The following CLEC16A variants were observed in gnomAD, a reference collection of about 807,000 sequenced individuals.
CLEC16A encodes the protein protein CLEC16A.
In CLEC16A, 51 loss-of-function variants were observed where a neutral mutation model predicts 109.5. That is an observed-to-expected ratio of 0.47 (90% CI 0.37 to 0.59). The LOEUF (loss-of-function observed/expected upper bound fraction) is 0.59, where lower values mean the gene tolerates loss of function less well. CLEC16A is among the 20% of genes least tolerant of loss of function. The probability of loss-of-function intolerance (pLI) is 0.00; values close to 1 mark genes in which losing one functional copy is unlikely to be tolerated. For synonymous variants in CLEC16A, 673 were observed against 564.2 expected (o/e 1.19, Z -2.73); for missense variants, 1,339 against 1,394.0 (o/e 0.96, Z 0.63).
chr16:11,011,784 AATC>A (rs2045432536), intron 11 of CLEC16A, among the ~76,000 whole-genome samples: 1 of 152,112 alleles, frequency 6.6e-6, no homozygotes, highest in Admixed American at 6.5e-5. Flanking sequence ...GTATTTTAGA[AATC>A]ATATGTTCAT....
At chr16:11,044,664 C>T (rs559728669) in intron 16 of CLEC16A, among the ~76,000 whole-genome samples, 66 of 152,294 alleles carry the variant, frequency 4.3e-4, no homozygotes, top group African/African-American at 1.6e-3. Context: ...GGCATGGTGG[C>T]TCATGCCTGT....
chr16:10,986,731 A>ATGTGTTTGTGTGTG (rs2043685462), intron 10 of CLEC16A, among the ~76,000 whole-genome samples: 1 of 150,122 alleles, frequency 6.7e-6, no homozygotes, highest in African/African-American at 2.5e-5. Flanking sequence ...TTAAGGCTCA[A>ATGTGTTTGTGTGTG]TGTGTGTGTG....
At chr16:11,043,048 A>T (rs890415822) in intron 15 of CLEC16A, among the ~76,000 whole-genome samples, 4 of 148,014 alleles carry the variant, frequency 2.7e-5, no homozygotes, top group African/African-American at 1.0e-4. Flanking sequence ...AAATTCATTT[A>T]TAAGTGTGTA....
chr16:11,021,792 C>A (rs1276968507), intron 12 of CLEC16A, among the ~76,000 whole-genome samples: 1 of 152,122 alleles, frequency 6.6e-6, no homozygotes, highest in Non-Finnish European at 1.5e-5. Flanking sequence ...ATGAGACTCT[C>A]GCTCAGAATA....
At chr16:11,000,645 G>A (rs868201753) in intron 10 of CLEC16A, among the ~76,000 whole-genome samples, 2 of 152,114 alleles carry the variant, frequency 1.3e-5, no homozygotes, top group South Asian at 2.1e-4. Flanking sequence ...GGGGGCCCTC[G>A]GTTATTGGCG....
At chr16:11,150,641 T>C (rs980296683) in intron 22 of CLEC16A, among the ~76,000 whole-genome samples, 20 of 152,252 alleles carry the variant, frequency 1.3e-4, no homozygotes, top group African/African-American at 4.8e-4. Flanking sequence ...AACTTCATTC[T>C]TGATGACTGC....
chr16:11,011,512 C>G (rs971790647), intron 11 of CLEC16A, among the ~76,000 whole-genome samples: 11 of 152,150 alleles, frequency 7.2e-5, no homozygotes, highest in Admixed American at 2.0e-4. Context: ...GTCACTTACA[C>G]TTTCTGGCAT....
At chr16:11,138,281 CTG>C (rs1352241065) in intron 22 of CLEC16A, among the ~76,000 whole-genome samples, 2 of 152,246 alleles carry the variant, frequency 1.3e-5, no homozygotes, top group African/African-American at 4.8e-5. Context: ...CTAGTGGGCT[CTG>C]TGGTGCTTCT....
chr16:11,178,667 C>T lies in CLEC16A; in HGVS notation c.3139C>T (p.Pro1047Ser). ...PVGEEAACAEPVGTAED is the reference protein window; with the variant it reads ...PVGEEAACAESVGTAED ...GGGCGAAGAGGCTGCATGTGCTGAGCCTGTGGGCACCGCTGAGGACTGAGT... is the reference window on the plus strand; with the variant it reads ...GGGCGAAGAGGCTGCATGTGCTGAGTCTGTGGGCACCGCTGAGGACTGAGT... The change falls in exon 24 of 24, where the codon CCT becomes TCT. Residue 1047 changes from proline to serine, a missense_variant. Physicochemically the swap from Pro to Ser is moderately conservative, Grantham distance 74. Transcript: ENST00000409790. This position sits in a 1 kb window ranked among gnomAD's most constrained non-coding sequence, Gnocchi z 6.5. 6.5e-7 allele frequency: 1 copy of T among 1,529,802 alleles called. No homozygotes were observed. Among genetic ancestry groups the T allele is most frequent in the South Asian group, 1.2e-5 (1 of 80,008 alleles). 94.8% of individuals were successfully genotyped at this position (1,529,802 alleles called of 1,614,324 possible).
chr16:10,967,554 C>A (rs2042570931), intron 3 of CLEC16A, among the ~76,000 whole-genome samples: 1 of 152,126 alleles, frequency 6.6e-6, no homozygotes, highest in Admixed American at 6.6e-5. Flanking sequence ...GATTTTGAAT[C>A]TCCGAATAAT....
At position 10,972,954 on chromosome 16, in the gene CLEC16A, G is replaced by A. The variant is rs1168410159; in HGVS notation, c.621G>A (p.Met207Ile). The A allele has an allele frequency of 6.2e-7, 1 of 1,609,480 alleles. No homozygotes were observed. The highest frequency in any genetic ancestry group is 8.5e-7 in the Non-Finnish European group (1 of 1,178,620). Residue 207 changes from methionine (M) to isoleucine (I), a missense_variant, in exon 7 of 24, where the codon ATG becomes ATA. Coordinates refer to ENST00000409790, the MANE Select transcript of CLEC16A (RefSeq NM_015226.3). Reference sequence around the variant, plus strand: ...TTTTCTCAGTGGATAACCAGGCCATGCTGCACTACATCCGAGATAAAACTG... The same window carrying A: ...TTTTCTCAGTGGATAACCAGGCCATACTGCACTACATCCGAGATAAAACTG... The part of the protein sequence containing the change: ...VYKVSLDNQA[M>I]LHYIRDKTAV...
At chr16:11,037,723 G>C (rs1163315367) in intron 13 of CLEC16A, among the ~76,000 whole-genome samples, 1 of 152,090 alleles carries the variant, frequency 6.6e-6, no homozygotes, top group African/African-American at 2.4e-5. Flanking sequence ...AGTGACTGCT[G>C]ATGGGTTATA....
intron 1 of CLEC16A, among the ~76,000 whole-genome samples, chr16:10,952,225 G>T (rs969820196): frequency 9.2e-5 from 14 of 152,204 alleles, no homozygotes; most frequent in African/African-American, 3.4e-4. Flanking sequence ...CGGGTGAGTT[G>T]GCTCACACCT....
chr16:11,040,965 GGCCTTAGAGGCATA>G (rs2047303875), intron 14 of CLEC16A: 1 of 152,278 alleles, frequency 6.6e-6, no homozygotes, highest in South Asian at 2.1e-4. Flanking sequence ...ATGTTTCCAA[GGCCTTAGAGGCATA>G]GCCTGAAGGC....
Position 11,025,216 on chromosome 16 carries a change from T to C in CLEC16A, c.1537+295T>C, listed in dbSNP as rs950581872. The stretch of plus-strand genomic sequence containing the variant: ...CACCCTGTGGTTTTCTTTTGACCCC[T>C]TGATTTACAACTGACTTAGCGTCTG... On this transcript the variant is annotated intron_variant, in intron 13 of 23. Transcript: ENST00000409790. Among the ~76,000 whole-genome samples, 4 of 152,202 alleles carry C rather than the reference T, an allele frequency of 2.6e-5. No homozygotes were observed. In the East Asian group the frequency reaches 7.7e-4, roughly 29 times the overall value.
Position 10,954,501 on chromosome 16 carries a change from T to G in CLEC16A, c.81-3281T>G, listed in dbSNP as rs1407138737. On this transcript the variant is annotated intron_variant, in intron 1 of 23. Transcript: ENST00000409790. This position sits in a 1 kb window ranked among gnomAD's most constrained non-coding sequence, Gnocchi z 4.2. ...CATACATAGTAACTGCCAAGTTAGTTATCTGTTATCTCCCAACACCACCAA... is the reference window on the plus strand; with the variant it reads ...CATACATAGTAACTGCCAAGTTAGTGATCTGTTATCTCCCAACACCACCAA... 6.6e-6 allele frequency among the ~76,000 whole-genome samples: 1 copy of G among 152,224 alleles called. No homozygotes were observed. Among genetic ancestry groups the G allele is most frequent in the Non-Finnish European group, 1.5e-5 (1 of 68,040 alleles).
chr16:11,005,184 C>A (rs958501365), intron 11 of CLEC16A, among the ~76,000 whole-genome samples: 11 of 152,100 alleles, frequency 7.2e-5, no homozygotes, highest in African/African-American at 2.4e-4. Context: ...AGGCTTAGCC[C>A]CAAAATCACA....
intron 19 of CLEC16A, among the ~76,000 whole-genome samples, chr16:11,083,775 C>G (rs1164714490): frequency 6.6e-6 from 1 of 152,252 alleles, no homozygotes; most frequent in Non-Finnish European, 1.5e-5. Context: ...CAGCCTCCTG[C>G]TGCCTGTGGC....
At chr16:11,149,070 A>C (rs1567392408) in intron 22 of CLEC16A, among the ~76,000 whole-genome samples, 1 of 152,240 alleles carries the variant, frequency 6.6e-6, no homozygotes, top group Non-Finnish European at 1.5e-5. Context: ...AAGGACAGGG[A>C]GAAAGAGAGA....
Sources: gnomAD v4.1 joint callset for allele counts (sites outside exome capture counted in the v4.1 genomes callset) on GRCh38, gnomAD v4.1.1 for gene constraint, Gnocchi (gnomAD v3.1) non-coding constraint, MANE v1.5 for transcripts, NCBI Gene and HGNC (gene_info 2026-07-23, HGNC 2026-07-21) for gene names.